The following ARHGAP20 variants were observed in gnomAD, a reference collection of about 807,000 sequenced individuals.
ARHGAP20 encodes Rho GTPase activating protein 20.
A neutral mutation model predicts 73.7 loss-of-function variants in ARHGAP20; 34 were observed. The observed-to-expected ratio is 0.46, with a 90% CI of 0.35 to 0.61. ARHGAP20 has a LOEUF of 0.61. ARHGAP20 is among the 20% of genes least tolerant of loss of function. The probability of loss-of-function intolerance (pLI) is 0.00; values close to 1 mark genes in which losing one functional copy is unlikely to be tolerated. For synonymous variants in ARHGAP20, 523 were observed against 518.2 expected, an observed-to-expected ratio of 1.01 and a Z score of -0.13; for missense variants, 1,314 against 1,420.9, an observed-to-expected ratio of 0.92 and a Z score of 1.21.
At chr11:110,601,753 G>T (rs1948114794) in intron 9 of ARHGAP20, among the ~76,000 whole-genome samples, 1 of 152,128 alleles carries the variant, frequency 6.6e-6, no homozygotes, top group African/African-American at 2.4e-5. Flanking sequence ...GGAGGCCGAG[G>T]CGGGTGGATC....
intron 11 of ARHGAP20, among the ~76,000 whole-genome samples, chr11:110,589,261 C>T (rs1947758262): frequency 6.6e-6 from 1 of 151,938 alleles, no homozygotes; most frequent in Non-Finnish European, 1.5e-5. Context: ...AATCATAAAC[C>T]CTGTGCAAAA....
intron 4 of ARHGAP20, among the ~76,000 whole-genome samples, chr11:110,616,627 A>G (rs1382132904): frequency 6.6e-6 from 1 of 151,530 alleles, no homozygotes; most frequent in African/African-American, 2.4e-5. Context: ...ATTGTTTAGC[A>G]ATTTTCTCCA....
rs188688844 is a variant in ARHGAP20 at position 110,705,627 on chromosome 11, C to T, written c.105+6500G>A. Among the ~76,000 whole-genome samples the T allele has an allele frequency of 1.9e-3, 288 of 152,150 alleles. 1 individual carries two copies. The highest frequency in any genetic ancestry group is 3.3e-3 in the Admixed American group (50 of 15,272). On this transcript the variant is annotated intron_variant, in intron 1 of 14. Coordinates refer to ENST00000683387, the MANE Select transcript of ARHGAP20 (RefSeq NM_001384657.1). ...GTCACAAAAATTAATTTTTCTTCTG[C>T]CATGGTAAAATGCACTATGTAATCA...
chr11:110,707,991 T>C (rs973943636), intron 1 of ARHGAP20, among the ~76,000 whole-genome samples: 2 of 151,602 alleles, frequency 1.3e-5, no homozygotes, highest in Non-Finnish European at 2.9e-5. Flanking sequence ...AAATGACAAA[T>C]TGTATTTCAC....
At chr11:110,704,624 A>T (rs1950519708) in intron 1 of ARHGAP20, among the ~76,000 whole-genome samples, 1 of 152,204 alleles carries the variant, frequency 6.6e-6, no homozygotes, top group Admixed American at 6.5e-5. Context: ...GAAGGCAATC[A>T]TCTCTGCTAC....
At chr11:110,598,917 C>T (rs987117257) in intron 9 of ARHGAP20, among the ~76,000 whole-genome samples, 5 of 152,214 alleles carry the variant, frequency 3.3e-5, no homozygotes, top group Non-Finnish European at 7.4e-5. Context: ...GAGGTGCAGC[C>T]ATCTGAGTTG....
At chr11:110,585,562 A>C (rs1947641661) in intron 12 of ARHGAP20, among the ~76,000 whole-genome samples, 1 of 152,210 alleles carries the variant, frequency 6.6e-6, no homozygotes, top group African/African-American at 2.4e-5. Context: ...ACAGAACTAG[A>C]AATACTGCTT....
At chr11:110,611,211 CT>C in intron 7 of ARHGAP20, 97 bp downstream of exon 7, 1 of 723,794 alleles carries the variant, frequency 1.4e-6, no homozygotes, top group Non-Finnish European at 2.2e-6. Flanking sequence ...TTTGGTATCT[CT>C]AATAATCAGC....
intron 2 of ARHGAP20, among the ~76,000 whole-genome samples, chr11:110,666,050 C>CT (rs1949718290): frequency 6.6e-6 from 1 of 151,974 alleles, no homozygotes; most frequent in Non-Finnish European, 1.5e-5. Flanking sequence ...TATACATATA[C>CT]ACACACTATG....
chr11:110,657,939 GA>G (rs1450076078), intron 2 of ARHGAP20, among the ~76,000 whole-genome samples: 3,249 of 150,060 alleles, frequency 0.022, 133 homozygotes, highest in African/African-American at 0.069. Context: ...AGGAAGGAAG[GA>G]AGGAAGGAAG....
chr11:110,693,138 G>A (rs1279515610), intron 1 of ARHGAP20, among the ~76,000 whole-genome samples: 1 of 152,008 alleles, frequency 6.6e-6, no homozygotes, highest in South Asian at 2.1e-4. Context: ...TTGTATAATA[G>A]TGAATAGAAT....
chr11:110,661,542 A>C (rs1949611996), intron 2 of ARHGAP20, among the ~76,000 whole-genome samples: 1 of 152,074 alleles, frequency 6.6e-6, no homozygotes. Context: ...ATATAGTAAA[A>C]AAATTCAACA....
intron 4 of ARHGAP20, among the ~76,000 whole-genome samples, chr11:110,619,957 A>G (rs777428107): frequency 1.6e-4 from 25 of 152,198 alleles, no homozygotes; most frequent in Non-Finnish European, 2.9e-4. Context: ...ATTTGACTCA[A>G]TTGGGAGGTT....
At chr11:110,617,212 T>C (rs1240366094) in intron 4 of ARHGAP20, among the ~76,000 whole-genome samples, 1 of 152,166 alleles carries the variant, frequency 6.6e-6, no homozygotes, top group East Asian at 1.9e-4. Flanking sequence ...GATTTAATTA[T>C]ATTACTACAT....
At chr11:110,646,665 C>A (rs1230681934) in intron 2 of ARHGAP20, among the ~76,000 whole-genome samples, 1 of 152,082 alleles carries the variant, frequency 6.6e-6, no homozygotes, top group Non-Finnish European at 1.5e-5. Flanking sequence ...ATCTATTTGA[C>A]AAAGGGTGAA....
intron 2 of ARHGAP20, among the ~76,000 whole-genome samples, chr11:110,636,678 A>G (rs1217036481): frequency 2.6e-5 from 4 of 152,090 alleles, no homozygotes; most frequent in African/African-American, 9.7e-5. Context: ...ATACACTAAA[A>G]TAAAAGTAAA....
At chr11:110,619,406 A>ATAGAGTATATGCAGTGG (rs1565441875) in intron 4 of ARHGAP20, among the ~76,000 whole-genome samples, 2 of 149,926 alleles carry the variant, frequency 1.3e-5, no homozygotes, top group African/African-American at 2.5e-5. Flanking sequence ...ATATGCAGTG[A>ATAGAGTATATGCAGTGG]TAGAGTATAT....
intron 7 of ARHGAP20, among the ~76,000 whole-genome samples, chr11:110,610,257 G>A (rs1191337107): frequency 6.6e-6 from 1 of 152,034 alleles, no homozygotes; most frequent in Non-Finnish European, 1.5e-5. Flanking sequence ...AATTCTGGTT[G>A]TCGTGAGTTC....
chr11:110,611,924 A>G (rs934594521), intron 6 of ARHGAP20, among the ~76,000 whole-genome samples: 1 of 152,230 alleles, frequency 6.6e-6, no homozygotes, highest in African/African-American at 2.4e-5. Context: ...ACTATTGGGA[A>G]CTTTCCATGT....
Sources: allele counts gnomAD v4.1 joint callset (sites outside exome capture counted in the v4.1 genomes callset), GRCh38; gene constraint gnomAD v4.1.1; transcripts MANE v1.5; gene names NCBI Gene and HGNC (gene_info 2026-07-23, HGNC 2026-07-21).